The following CMSS1 variants were observed in gnomAD, a reference collection of about 807,000 sequenced individuals.
CMSS1 encodes cms1 ribosomal small subunit homolog.
A neutral mutation model predicts 43.5 loss-of-function variants in CMSS1; 33 were observed. That is an observed-to-expected ratio of 0.76 (90% CI 0.57 to 1.01). The LOEUF (loss-of-function observed/expected upper bound fraction) is 1.01, where lower values mean the gene tolerates loss of function less well. Among genes scored for constraint, CMSS1 ranks in the 50% least tolerant of loss-of-function variants. CMSS1 has a pLI of 0.00. For synonymous variants in CMSS1, 115 were observed against 117.2 expected, an observed-to-expected ratio of 0.98 and a Z score of 0.12; for missense variants, 313 against 326.4, an observed-to-expected ratio of 0.96 and a Z score of 0.32.
chr3:100,083,938 T>C (rs2065968745), intron 1 of CMSS1, among the ~76,000 whole-genome samples: 1 of 152,184 alleles, frequency 6.6e-6, no homozygotes, highest in South Asian at 2.1e-4. Flanking sequence ...GTGAGCATAA[T>C]TATCAAAATA....
chr3:99,971,294 C>T (rs571640455), intron 1 of CMSS1, among the ~76,000 whole-genome samples: 65 of 146,508 alleles, frequency 4.4e-4, no homozygotes, highest in African/African-American at 1.6e-3. Context: ...GAGCCAAGAT[C>T]GTGCCACTGC....
At chr3:100,026,681 C>G (rs2064927980) in intron 1 of CMSS1, among the ~76,000 whole-genome samples, 1 of 152,160 alleles carries the variant, frequency 6.6e-6, no homozygotes, top group South Asian at 2.1e-4. Flanking sequence ...CCTGTTGGCT[C>G]TATCCTCAAA....
intron 1 of CMSS1, among the ~76,000 whole-genome samples, chr3:99,901,827 T>TAC (rs774191509): frequency 3.9e-5 from 6 of 152,072 alleles, no homozygotes; most frequent in Non-Finnish European, 5.9e-5. Context: ...CACACACACA[T>TAC]ACACACACAT....
At chr3:100,121,995 A>G (rs2066625221) in intron 1 of CMSS1, among the ~76,000 whole-genome samples, 1 of 152,222 alleles carries the variant, frequency 6.6e-6, no homozygotes, top group African/African-American at 2.4e-5. Context: ...GCCTGATCCC[A>G]AGCAGCAGAT....
chr3:100,060,912 T>C (rs528362426), intron 1 of CMSS1, among the ~76,000 whole-genome samples: 102 of 152,238 alleles, frequency 6.7e-4, no homozygotes, highest in African/African-American at 2.3e-3. Flanking sequence ...GCCATACAGA[T>C]CTATCAATGG....
intron 1 of CMSS1, chr3:99,924,246 C>G (rs761912882): frequency 6.2e-7 from 1 of 1,613,686 alleles, no homozygotes; most frequent in South Asian, 1.1e-5. Context: ...CATTCCTGTT[C>G]TAGTAGGCAT....
intron 1 of CMSS1, among the ~76,000 whole-genome samples, chr3:99,902,997 C>T (rs1706486854): frequency 6.6e-6 from 1 of 152,166 alleles, no homozygotes; most frequent in Non-Finnish European, 1.5e-5. Flanking sequence ...TCTGAGGTTT[C>T]ATGATTAAGG....
At chr3:99,942,643 C>T (rs1362376807) in intron 1 of CMSS1, among the ~76,000 whole-genome samples, 1 of 151,996 alleles carries the variant, frequency 6.6e-6, no homozygotes, top group Admixed American at 6.6e-5. Context: ...ACCAGCCTGG[C>T]CAACATGGTG....
intron 1 of CMSS1, among the ~76,000 whole-genome samples, chr3:100,125,142 A>C (rs1051326279): frequency 6.6e-6 from 1 of 152,190 alleles, no homozygotes; most frequent in African/African-American, 2.4e-5. Flanking sequence ...TAAATGCACC[A>C]TTCTAGCCAC....
chr3:99,969,841 A>G (rs1708763161), intron 1 of CMSS1, among the ~76,000 whole-genome samples: 3 of 152,224 alleles, frequency 2.0e-5, no homozygotes, highest in Non-Finnish European at 4.4e-5. Flanking sequence ...ATTGTCACAA[A>G]GGGTATGTTA....
At chr3:100,071,203 G>T (rs921783678) in intron 1 of CMSS1, among the ~76,000 whole-genome samples, 4 of 149,894 alleles carry the variant, frequency 2.7e-5, no homozygotes, top group Admixed American at 6.7e-5. Context: ...TGGGGAAGTG[G>T]AGAAAAGAAA....
At chr3:99,843,621 T>A (rs78954535) in intron 1 of CMSS1, among the ~76,000 whole-genome samples, 9,973 of 152,252 alleles carry the variant, frequency 0.066, 449 homozygotes, top group Middle Eastern at 0.099. Flanking sequence ...CCTAACCTAC[T>A]GAATATCATG....
intron 1 of CMSS1, chr3:100,051,387 G>A (rs531992290): frequency 3.3e-4 from 50 of 151,326 alleles, no homozygotes; most frequent in African/African-American, 1.2e-3. Flanking sequence ...TTAAGTTTTA[G>A]GGTACATGTG....
chr3:99,902,311 A>G (rs1358694745), intron 1 of CMSS1, among the ~76,000 whole-genome samples: 1 of 152,192 alleles, frequency 6.6e-6, no homozygotes. Flanking sequence ...GCACCTGGGA[A>G]AGAGTCAGTG....
intron 1 of CMSS1, chr3:99,924,472 T>A: frequency 6.9e-7 from 1 of 1,451,204 alleles, no homozygotes. Flanking sequence ...TTTCACTCTT[T>A]TAGAAATGTC....
chr3:100,050,331 A>G (rs1322384698), intron 1 of CMSS1, among the ~76,000 whole-genome samples: 1 of 152,208 alleles, frequency 6.6e-6, no homozygotes, highest in Non-Finnish European at 1.5e-5. Flanking sequence ...AGTTTGGGCA[A>G]TATCAGAGAA....
intron 1 of CMSS1, among the ~76,000 whole-genome samples, chr3:99,930,190 T>C (rs1707432473): frequency 6.6e-6 from 1 of 152,242 alleles, no homozygotes; most frequent in South Asian, 2.1e-4. Context: ...CTATATCCCT[T>C]CATCCTTCTT....
chr3:100,130,425 A>C (rs2066696929), intron 1 of CMSS1, among the ~76,000 whole-genome samples: 1 of 152,202 alleles, frequency 6.6e-6, no homozygotes. Context: ...GTAAAGACTC[A>C]TATTATGTGG....
chr3:100,047,975 A>G (rs2065304851), intron 1 of CMSS1, among the ~76,000 whole-genome samples: 1 of 152,172 alleles, frequency 6.6e-6, no homozygotes, highest in Admixed American at 6.5e-5. Flanking sequence ...TCCCTCCTAT[A>G]GTGTAAATAT....
Sources: allele counts gnomAD v4.1 joint callset (sites outside exome capture counted in the v4.1 genomes callset), GRCh38; gene constraint gnomAD v4.1.1; transcripts MANE v1.5; gene names NCBI Gene and HGNC (gene_info 2026-07-23, HGNC 2026-07-21).